The following ST14 variants were observed in gnomAD, a reference collection of about 807,000 sequenced individuals.
ST14 encodes suppressor of tumorigenicity 14 protein.
In ST14, 40 loss-of-function variants were observed where a neutral mutation model predicts 96.5. The ratio of observed to expected loss-of-function variants is 0.41; its 90% CI spans 0.32 to 0.54. The LOEUF (loss-of-function observed/expected upper bound fraction) is 0.54, where lower values mean the gene tolerates loss of function less well. Ranked by LOEUF, ST14 falls within the 20% of genes least tolerant of loss-of-function variation. The pLI, the probability that ST14 is intolerant of heterozygous loss-of-function variation, is 0.17. For synonymous variants in ST14, 506 were observed against 492.1 expected, an observed-to-expected ratio of 1.03 and a Z score of -0.37; for missense variants, 1,066 against 1,188.9, an observed-to-expected ratio of 0.90 and a Z score of 1.52.
intron 9 of ST14, among the ~76,000 whole-genome samples, chr11:130,195,552 T>C (rs907338264): frequency 2.0e-4 from 31 of 152,090 alleles, no homozygotes; most frequent in African/African-American, 7.5e-4. Context: ...CTCCCTTTCC[T>C]TTCTTTAAAA....
At chr11:130,165,731 T>A (rs1247912598) in intron 1 of ST14, among the ~76,000 whole-genome samples, 2 of 152,208 alleles carry the variant, frequency 1.3e-5, no homozygotes, top group Admixed American at 6.5e-5. Context: ...ACTAAATATC[T>A]GCACTTCAAT....
Position 130,186,484 on chromosome 11 carries a change from G to A in ST14, c.82-1630G>A, listed in dbSNP as rs537247431. On this transcript the variant is annotated intron_variant, in intron 1 of 18. Transcript: ENST00000278742. ...GGCCCTCAGGAAGAACATGAAATAA[G>A]TTATTTAACAGATGTTACATGTAGA... Among the ~76,000 whole-genome samples, 12 of 152,270 alleles carry A rather than the reference G, an allele frequency of 7.9e-5. 1 individual carries two copies. The highest frequency in any genetic ancestry group is 5.9e-4 in the Admixed American group (9 of 15,300).
intron 1 of ST14, among the ~76,000 whole-genome samples, chr11:130,184,586 CA>C (rs1202599403): frequency 1.3e-5 from 2 of 152,124 alleles, no homozygotes; most frequent in Non-Finnish European, 2.9e-5. Context: ...CTGCCAGGCT[CA>C]GAAAAGATTG....
chr11:130,193,048 G>A (rs544434122), intron 7 of ST14, among the ~76,000 whole-genome samples: 2 of 151,940 alleles, frequency 1.3e-5, no homozygotes, highest in East Asian at 3.9e-4. Flanking sequence ...TCATAGAGCT[G>A]TTAGGAAGAT....
chr11:130,159,790 G>A lies in ST14; in HGVS notation c.-190G>A, dbSNP rs1180345374. 5.0e-6 allele frequency: 1 copy of A among 198,384 alleles called. No individual in the cohort carries two copies. Among genetic ancestry groups the A allele is most frequent in the Admixed American group, 6.0e-5 (1 of 16,676 alleles). 12.3% of individuals were successfully genotyped at this position (198,384 alleles called of 1,614,324 possible). ...GTGGGCCGGGCCGGAGTGTGAGAGC[G>A]GAGCTGCAGCCGGAGAAAGAGGAAG... On this transcript the variant is annotated 5_prime_UTR_variant, in exon 1 of 19. Transcript: ENST00000278742.
intron 1 of ST14, among the ~76,000 whole-genome samples, chr11:130,170,359 C>T (rs958928434): frequency 1.3e-5 from 2 of 152,050 alleles, no homozygotes; most frequent in African/African-American, 4.8e-5. Context: ...CTTCCATCAA[C>T]CCATCAATTA....
intron 15 of ST14, 92 bp downstream of exon 15, chr11:130,199,161 C>T: frequency 6.7e-6 from 9 of 1,340,198 alleles, no homozygotes; most frequent in Non-Finnish European, 3.1e-6. Flanking sequence ...CCCGCCAGCA[C>T]CTCACTTAGC....
Position 130,159,918 on chromosome 11 carries a change from C to A in ST14, c.-62C>A. On this transcript the variant is annotated 5_prime_UTR_variant, in exon 1 of 19. Coordinates refer to ENST00000278742, the MANE Select transcript of ST14 (RefSeq NM_021978.4). ...CGCCCCGCGCCCCGCGCCCTGCGGGCCATGGGAGCCGGCCGCCGGCAGGGA... is the reference window on the plus strand; with the variant it reads ...CGCCCCGCGCCCCGCGCCCTGCGGGACATGGGAGCCGGCCGCCGGCAGGGA... 3 of 1,080,624 alleles carry A rather than the reference C, an allele frequency of 2.8e-6. No homozygotes were observed. The highest frequency in any genetic ancestry group is 3.5e-6 in the Non-Finnish European group (3 of 846,932). The allele number at this position is 1,080,624 out of a possible 1,614,324, so 66.9% of individuals were successfully genotyped here.
In ST14 at chr11:130,208,415, C is replaced by G; in HGVS notation, c.2000C>G (p.Ser667Ter). ...ATAGCGGCTCTCCCTACCAGGTACT[C>G]AGACCCCACGCAGTGGACGGCCTTC... is the stretch of plus-strand genomic sequence containing the variant. The part of the protein sequence containing the change: ...CYIDDRGFRY[S>*]DPTQWTAFLG... The change falls in exon 17 of 19, where the codon TCA becomes TGA. Residue 667 changes from serine to a stop codon, truncating the protein, a stop_gained. Transcript: ENST00000278742. LOFTEE classifies it high-confidence loss of function. 1 of 1,614,070 alleles carries G rather than the reference C, an allele frequency of 6.2e-7. No individual in the cohort carries two copies. Among genetic ancestry groups the G allele is most frequent in the Non-Finnish European group, 8.5e-7 (1 of 1,180,028 alleles).
chr11:130,202,599 C>T lies in ST14; in HGVS notation c.1994+2462C>T, dbSNP rs190255476. Among the ~76,000 whole-genome samples the T allele has an allele frequency of 2.8e-4, 43 of 152,262 alleles. No individual in the cohort carries two copies. In the East Asian group the frequency reaches 7.9e-3, roughly 28 times the overall value. On this transcript the variant is annotated intron_variant, in intron 16 of 18. Transcript: ENST00000278742. ...CAGACCTTCCAGACAAAGGGAGTGT[C>T]GTGTGCAGAGGCAGGGAGGTGTGAG...
chr11:130,198,804 C>T, intron 14 of ST14, 143 bp from the exon 15 acceptor site: 1 of 1,540,988 alleles, frequency 6.5e-7, no homozygotes, highest in African/African-American at 1.4e-5. Flanking sequence ...TGTAGCAGGG[C>T]AGGGAGGCCA....
chr11:130,209,628 C>T, intron 18 of ST14, 34 bp from the exon 19 acceptor site: 1 of 1,578,880 alleles, frequency 6.3e-7, no homozygotes, highest in South Asian at 1.1e-5. Flanking sequence ...AGAGGCGGGA[C>T]TGGGGACTCA....
Position 130,210,153 on chromosome 11 carries a change from C to A in ST14, c.*330C>A, listed in dbSNP as rs930731788. On this transcript the variant is annotated 3_prime_UTR_variant, in exon 19 of 19. Coordinates refer to ENST00000278742, the MANE Select transcript of ST14 (RefSeq NM_021978.4). ...TGCCTCCCCTGTCTCTAAGGAGCAG[C>A]GGGAACGGAGCTTCGGGGCCTCCTC... 3.7e-6 allele frequency: 1 copy of A among 270,886 alleles called. No homozygotes were observed. Among genetic ancestry groups the A allele is most frequent in the Non-Finnish European group, 7.1e-6 (1 of 141,114 alleles). The allele number at this position is 270,886 out of a possible 1,614,324, so 16.8% of individuals were successfully genotyped here. A position where few individuals can be genotyped will look rare whatever the true frequency, so the allele number is the denominator to read the frequency against.
intron 7 of ST14, among the ~76,000 whole-genome samples, chr11:130,193,836 G>A (rs1420845152): frequency 3.3e-5 from 5 of 152,252 alleles, no homozygotes; most frequent in African/African-American, 1.2e-4. Context: ...CAGTGATTGT[G>A]ACAAAGGTGA....
chr11:130,194,658 G>C lies in ST14; in HGVS notation c.1034G>C (p.Arg345Pro). 6.2e-7 allele frequency: 1 copy of C among 1,614,138 alleles called. No individual in the cohort carries two copies. Among genetic ancestry groups the C allele is most frequent in the South Asian group, 1.1e-5 (1 of 91,078 alleles). ...PRMSSCGGRL[R>P]KAQGTFNSPY... ...CTCTCAGGCTGTGGAGGCCGCTTAC[G>C]TAAAGCCCAGGGGACATTCAACAGC... The change falls in exon 9 of 19, where the codon CGT (arginine) becomes CCT (proline). Residue 345 changes from arginine to proline, a missense_variant. By Grantham distance (103) the Arg-to-Pro change is moderately radical. Coordinates refer to ENST00000278742, the MANE Select transcript of ST14 (RefSeq NM_021978.4).
chr11:130,202,784 A>T (rs182564645), intron 16 of ST14, among the ~76,000 whole-genome samples: 1 of 152,202 alleles, frequency 6.6e-6, no homozygotes, highest in Non-Finnish European at 1.5e-5. Flanking sequence ...ATCTTCGGCA[A>T]GTTGCCCTCT....
intron 16 of ST14, among the ~76,000 whole-genome samples, chr11:130,202,822 C>T (rs201086318): frequency 7.9e-5 from 12 of 152,158 alleles, no homozygotes; most frequent in South Asian, 2.1e-4. Flanking sequence ...TCTTAAAAAG[C>T]GCGACCCTAC....
At chr11:130,198,667 G>T (rs1953395635) in intron 14 of ST14, 46 bp downstream of exon 14, 3 of 1,558,418 alleles carry the variant, frequency 1.9e-6, no homozygotes, top group Non-Finnish European at 2.6e-6. Flanking sequence ...CTCGCCCCTG[G>T]AGGAGGCTGC....
At position 130,188,001 on chromosome 11, in the gene ST14, G is replaced by GCC. The variant is rs1272684832; in HGVS notation, c.82-110_82-109dup. 6.5e-5 allele frequency: 95 copies of GCC among 1,451,728 alleles called. 1 individual carries two copies. In the East Asian group the frequency reaches 2.3e-3, roughly 35 times the overall value. The allele number at this position is 1,451,728 out of a possible 1,614,324, so 89.9% of individuals were successfully genotyped here. On this transcript the variant is annotated intron_variant, in intron 1 of 18. Coordinates refer to ENST00000278742, the MANE Select transcript of ST14 (RefSeq NM_021978.4). The surrounding 1 kb of genome is among the most constrained non-coding windows in gnomAD (Gnocchi z 5.4). ...GGGAAGCCCCCTTCTTCTCACCCAA[G>GCC]CCCCTGCTTTCTTCTCCAAGCTGGA...
Sources: gnomAD v4.1 joint callset for allele counts (sites outside exome capture counted in the v4.1 genomes callset) on GRCh38, gnomAD v4.1.1 for gene constraint, Gnocchi (gnomAD v3.1) non-coding constraint, MANE v1.5 for transcripts, NCBI Gene and HGNC (gene_info 2026-07-23, HGNC 2026-07-21) for gene names.